HK3: variants seen among roughly 807,000 people sequenced by gnomAD.
HK3 encodes the protein hexokinase 3.
Under a neutral mutation model 91.0 loss-of-function variants are expected in HK3, and 93 were observed. The ratio of observed to expected loss-of-function variants is 1.02; its 90% CI spans 0.86 to 1.21. The LOEUF (loss-of-function observed/expected upper bound fraction) is 1.21. Ranked by LOEUF, HK3 falls within the 50% of genes most tolerant of loss-of-function variation. The pLI, the probability that HK3 is intolerant of heterozygous loss-of-function variation, is 0.00. For synonymous variants in HK3, 519 were observed against 516.9 expected (o/e 1.00, Z -0.06); for missense variants, 1,235 against 1,247.4 (o/e 0.99, Z 0.15).
chr5:176,896,305 C>CCG, intron 1 of HK3, 120 bp from the exon 2 acceptor site: 2 of 493,522 alleles, frequency 4.1e-6, no homozygotes, highest in Non-Finnish European at 7.3e-6. Context: ...GAGCAGAATT[C>CCG]AGAACCTCCA....
intron 17 of HK3, 41 bp downstream of exon 17, chr5:176,881,651 A>T (rs747962308): frequency 6.2e-7 from 1 of 1,609,880 alleles, no homozygotes; most frequent in African/African-American, 1.3e-5. Context: ...GTGGACAGAA[A>T]GACCCCCTGA....
At position 176,880,913 on chromosome 5, in the gene HK3, C is replaced by G; in HGVS notation, c.*160G>C. On this transcript the variant is annotated 3_prime_UTR_variant, in exon 19 of 19. Coordinates refer to ENST00000292432, the MANE Select transcript of HK3 (RefSeq NM_002115.3). ...TATATTGCTAACCTGAGTGCTACTT[C>G]TCTCAGGGAAAGCCAGGGAGCAAGG... The G allele has an allele frequency of 1.5e-6, 1 of 672,718 alleles. No individual in the cohort carries two copies. The allele number at this position is 672,718 out of a possible 1,614,324, so 41.7% of individuals were successfully genotyped here. A position where few individuals can be genotyped will look rare whatever the true frequency, so the allele number is the denominator to read the frequency against.
intron 10 of HK3, 56 bp downstream of exon 10, chr5:176,888,276 G>A (rs1758655073): frequency 7.0e-7 from 1 of 1,427,578 alleles, no homozygotes; most frequent in Non-Finnish European, 9.6e-7. Context: ...CTCTGGGTGT[G>A]TATCACACAC....
At chr5:176,899,148 A>G (rs1758980617) in intron 1 of HK3, 119 bp downstream of exon 1, 1 of 152,200 alleles carries the variant, frequency 6.6e-6, no homozygotes, top group Non-Finnish European at 1.5e-5. Context: ...AAAACAAAGA[A>G]AGAGAACCAG....
intron 6 of HK3, among the ~76,000 whole-genome samples, chr5:176,890,260 CAA>C (rs540424694): frequency 1.4e-4 from 21 of 152,334 alleles, no homozygotes; most frequent in African/African-American, 5.1e-4. Context: ...AGCCCCTGAT[CAA>C]AGAGCCAGTG....
chr5:176,898,251 T>G (rs1000939071), intron 1 of HK3, among the ~76,000 whole-genome samples: 8 of 152,184 alleles, frequency 5.3e-5, no homozygotes, highest in African/African-American at 1.9e-4. Flanking sequence ...CGGCACAGGG[T>G]CTGGTATAGG....
Position 176,881,522 on chromosome 5 carries a change from G to C in HK3, c.2407C>G (p.Leu803Val). The change falls in exon 18 of 19, where the codon CTG (leucine) becomes GTG (valine). Residue 803 changes from leucine to valine, a missense_variant. By Grantham distance (32) the Leu-to-Val change is conservative (BLOSUM62 1). Transcript: ENST00000292432. ...LSEIESDSLA[L>V]RQVRAILEDL... is the part of the protein sequence containing the mutation. ...TCTAGGATGGCTCGGACCTGCCGCA[G>C]GGCCAGGCTGTCACTGGGGGCCAGG... is the stretch of plus-strand genomic sequence containing the variant. 6.2e-7 allele frequency: 1 copy of C among 1,602,958 alleles called. No individual in the cohort carries two copies. Among genetic ancestry groups the C allele is most frequent in the South Asian group, 1.1e-5 (1 of 90,912 alleles).
At chr5:176,885,245 G>A (rs977428197) in intron 13 of HK3, among the ~76,000 whole-genome samples, 4 of 152,178 alleles carry the variant, frequency 2.6e-5, no homozygotes, top group African/African-American at 7.2e-5. Flanking sequence ...GGAAGGTGTC[G>A]AGACTCAAGA....
chr5:176,895,239 G>A (rs919137326), intron 2 of HK3, among the ~76,000 whole-genome samples: 5 of 151,800 alleles, frequency 3.3e-5, no homozygotes, highest in Admixed American at 6.6e-5. Context: ...CCACCATGCC[G>A]GCTAATTTTG....
In HK3 at chr5:176,882,017, C is replaced by A. The variant is rs762761490; in HGVS notation, c.2164G>T (p.Gly722Cys). 6.2e-7 allele frequency: 1 copy of A among 1,613,338 alleles called. No individual in the cohort carries two copies. Among genetic ancestry groups the A allele is most frequent in the East Asian group, 2.2e-5 (1 of 44,880 alleles). ...NMEWGAFGDD[G>C]SLAMLSTRFD... Reference sequence around the variant, plus strand: ...CGGGTGCTGAGCATGGCCAGAGAGCCATCGTCCCCAAAGGCGCCCCACTCC... The same window carrying A: ...CGGGTGCTGAGCATGGCCAGAGAGCAATCGTCCCCAAAGGCGCCCCACTCC... Residue 722 changes from glycine to cysteine, a missense_variant, in exon 16 of 19, where the codon GGC becomes TGC. Gly to Cys is a radical substitution (Grantham distance 159). Coordinates refer to ENST00000292432, the MANE Select transcript of HK3 (RefSeq NM_002115.3).
intron 16 of HK3, 34 bp downstream of exon 16, chr5:176,881,910 C>G (rs922214848): frequency 6.2e-6 from 10 of 1,612,426 alleles, no homozygotes; most frequent in Non-Finnish European, 8.5e-6. Flanking sequence ...GCACCGGTCA[C>G]AGCCAGCCAC....
At chr5:176,886,211 C>T (rs1287484326) in intron 13 of HK3, among the ~76,000 whole-genome samples, 8 of 151,092 alleles carry the variant, frequency 5.3e-5, no homozygotes, top group Admixed American at 1.3e-4. Flanking sequence ...CCAACCTGGG[C>T]GACAGAGTGA....
chr5:176,882,538 C>A (rs1758468279), intron 15 of HK3, among the ~76,000 whole-genome samples: 2 of 152,282 alleles, frequency 1.3e-5, no homozygotes, highest in African/African-American at 4.8e-5. Context: ...GAGCAGGGGA[C>A]ACAGAGAAAT....
intron 13 of HK3, among the ~76,000 whole-genome samples, chr5:176,885,365 C>T: frequency 6.6e-6 from 1 of 152,226 alleles, no homozygotes; most frequent in Admixed American, 6.5e-5. Flanking sequence ...GCCAAAGGGG[C>T]TCCTGGGGAA....
At chr5:176,895,053 AG>A (rs1758873209) in intron 2 of HK3, among the ~76,000 whole-genome samples, 1 of 146,032 alleles carries the variant, frequency 6.8e-6, no homozygotes, top group South Asian at 2.1e-4. Context: ...CTGGGATTAC[AG>A]GCCTGAGCCA....
At position 176,891,037 on chromosome 5, in the gene HK3, C is replaced by T. The variant is rs148717336; in HGVS notation, c.414G>A (p.Gln138=). 6.6e-4 allele frequency: 1,058 copies of T among 1,614,014 alleles called. 3 individuals carry two copies. Among genetic ancestry groups the T allele is most frequent in the Non-Finnish European group, 8.1e-4 (956 of 1,179,996 alleles). ...PQEVMLGAGQ[Q]LFDFAAHCLS... is the part of the protein sequence containing the mutation. ...CAGAGGCTGGGCAGTGAGTGCTTAC[C>T]TGCTGGCCAGCACCCAGCATCACCT... The change falls in exon 4 of 19, where the codon CAG becomes CAA. Residue 138 remains glutamine, a splice_region_variant and synonymous_variant. Transcript: ENST00000292432.
rs756923182 is a variant in HK3, at chr5:176,887,627, C to T, written c.1424G>A (p.Arg475His). 50 of 1,613,502 alleles carry T rather than the reference C, an allele frequency of 3.1e-5. No individual in the cohort carries two copies. Among genetic ancestry groups the T allele is most frequent in the South Asian group, 1.3e-4 (12 of 91,070 alleles). ...CAGCAGGCGCCGGTGGGCAGCCAGA[C>T]GGGCAGCCACGGCAGTCACCATCGC... ...GVAMVTAVAA[R>H]LAAHRRLLEE... The change falls in exon 11 of 19, where the codon CGT becomes CAT. Residue 475 changes from arginine to histidine, a missense_variant. Physicochemically the swap from Arg to His is conservative, Grantham distance 29. This residue lies in a region of HK3 where 717 missense variants were observed against 751.6 expected (regional missense o/e 0.95). Coordinates refer to ENST00000292432, the MANE Select transcript of HK3 (RefSeq NM_002115.3). The surrounding 1 kb of genome is among the most constrained non-coding windows in gnomAD (Gnocchi z 4.9).
chr5:176,891,288 G>A (rs761628411), intron 3 of HK3, 97 bp from the exon 4 acceptor site: 54 of 1,608,900 alleles, frequency 3.4e-5, no homozygotes, highest in East Asian at 1.1e-4. Flanking sequence ...GTCTGGTCAA[G>A]GGGCCATAGA....
Position 176,887,193 on chromosome 5 carries a change from G to GT in HK3, c.1737+7dup. On this transcript the variant is annotated splice_region_variant and intron_variant, in intron 12 of 18. Coordinates refer to ENST00000292432, the MANE Select transcript of HK3 (RefSeq NM_002115.3). This position sits in a 1 kb window ranked among gnomAD's most constrained non-coding sequence, Gnocchi z 4.9. The stretch of plus-strand genomic sequence containing the variant: ...CACCTCTGACATCAAGGTTCAGGCT[G>GT]TGGGTACCTGCTGCCCAGAACCCTG... The GT allele has an allele frequency of 6.2e-7, 1 of 1,614,162 alleles. No individual in the cohort carries two copies. The highest frequency in any genetic ancestry group is 8.5e-7 in the Non-Finnish European group (1 of 1,180,030).
Sources: allele counts gnomAD v4.1 joint callset (sites outside exome capture counted in the v4.1 genomes callset), GRCh38; gene constraint gnomAD v4.1.1; regional missense constraint gnomAD v4.1.1; non-coding constraint Gnocchi (gnomAD v3.1); transcripts MANE v1.5; gene names NCBI Gene and HGNC (gene_info 2026-07-23, HGNC 2026-07-21).